The following FOXP1 variants were observed in gnomAD, a reference collection of about 807,000 sequenced individuals.
FOXP1 encodes forkhead box P1, also known as forkhead box protein P1.
Under a neutral mutation model 98.2 loss-of-function variants are expected in FOXP1, and 15 were observed. That is an observed-to-expected ratio of 0.15 (90% CI 0.10 to 0.24). The LOEUF (loss-of-function observed/expected upper bound fraction) is 0.24, where lower values mean the gene tolerates loss of function less well. Among genes scored for constraint, FOXP1 ranks in the 10% least tolerant of loss-of-function variants. The pLI, the probability that FOXP1 is intolerant of heterozygous loss-of-function variation, is 1.00. For synonymous variants in FOXP1, 371 were observed against 314.5 expected, an observed-to-expected ratio of 1.18 and a Z score of -1.90; for missense variants, 633 against 848.5, an observed-to-expected ratio of 0.75 and a Z score of 3.15.
At chr3:71,497,809 A>T (rs1470495545) in intron 2 of FOXP1, among the ~76,000 whole-genome samples, 1 of 152,170 alleles carries the variant, frequency 6.6e-6, no homozygotes, top group African/African-American at 2.4e-5. Context: ...CAGCCCCAGA[A>T]GTACCTTGGC....
intron 6 of FOXP1, among the ~76,000 whole-genome samples, chr3:71,131,830 G>T (rs1005969281): frequency 1.3e-5 from 2 of 152,210 alleles, no homozygotes; most frequent in African/African-American, 2.4e-5. Flanking sequence ...AGGTGGAACT[G>T]ATCAGCCACA....
intron 2 of FOXP1, chr3:71,567,741 A>G (rs1387420266): frequency 2.0e-5 from 3 of 152,036 alleles, no homozygotes; most frequent in Non-Finnish European, 4.4e-5. Context: ...GCACTTCCGG[A>G]AAGAATCTCC....
intron 11 of FOXP1, among the ~76,000 whole-genome samples, chr3:71,033,878 A>G (rs1318053937): frequency 6.6e-6 from 1 of 152,132 alleles, no homozygotes; most frequent in Non-Finnish European, 1.5e-5. Flanking sequence ...ATTCGCCCCC[A>G]GGGTGCTTCT....
intron 4 of FOXP1, among the ~76,000 whole-genome samples, chr3:71,348,552 T>TGTGTGC (rs1553853252): frequency 7.1e-6 from 1 of 141,610 alleles, no homozygotes; most frequent in African/African-American, 2.7e-5. Flanking sequence ...TGTGTGTGCG[T>TGTGTGC]GCGCGCGCGC....
rs958350616 is a variant in FOXP1, at chr3:71,064,887, G to A, written c.283-11114C>T. 17 of 881,772 alleles carry A rather than the reference G, an allele frequency of 1.9e-5. No homozygotes were observed. The East Asian group carries it at 1.6e-3, about 83-fold the overall frequency. The allele number at this position is 881,772 out of a possible 1,614,324, so 54.6% of individuals were successfully genotyped here. A position where few individuals can be genotyped will look rare whatever the true frequency, so the allele number is the denominator to read the frequency against. On this transcript the variant is annotated intron_variant, in intron 7 of 20. Transcript: ENST00000649528. The stretch of plus-strand genomic sequence containing the variant: ...GGCTCGGGGCGCCCGCGCGGGCCGG[G>A]CGTGGGGTCCGGCGGCCTCGGCGTG...
chr3:71,329,455 C>T (rs929994757), intron 4 of FOXP1, among the ~76,000 whole-genome samples: 8 of 85,872 alleles, frequency 9.3e-5, no homozygotes, highest in African/African-American at 1.4e-4. Flanking sequence ...TCTCCTACCT[C>T]GTGATCACCC....
intron 13 of FOXP1, among the ~76,000 whole-genome samples, chr3:70,995,948 G>C (rs1323136985): frequency 6.6e-6 from 1 of 152,096 alleles, no homozygotes; most frequent in Non-Finnish European, 1.5e-5. Context: ...TATTTCTATT[G>C]AAACTGTGGT....
In FOXP1 at chr3:71,536,784, T is replaced by G. The variant is rs1275138739; in HGVS notation, c.-297-43229A>C. On this transcript the variant is annotated intron_variant, in intron 2 of 20. Coordinates refer to ENST00000649528, the MANE Select transcript of FOXP1 (RefSeq NM_001349338.3). The stretch of plus-strand genomic sequence containing the variant: ...CACTGAACACATTCTCAATGTGCCA[T>G]GATGCAAATCCAACATGATGATCGT... Among the ~76,000 whole-genome samples the G allele has an allele frequency of 3.9e-5, 6 of 152,142 alleles. No homozygotes were observed. The South Asian group carries it at 1.0e-3, about 26-fold the overall frequency.
intron 13 of FOXP1, among the ~76,000 whole-genome samples, chr3:70,989,059 T>C (rs2040204673): frequency 1.3e-5 from 2 of 152,218 alleles, no homozygotes. Context: ...GACTCATTAG[T>C]TCTGTCACAT....
intron 3 of FOXP1, among the ~76,000 whole-genome samples, chr3:71,381,153 CT>C (rs375670056): frequency 1.3e-3 from 178 of 139,566 alleles, no homozygotes; most frequent in Middle Eastern, 3.8e-3. Context: ...GAGGTTCTCT[CT>C]TTTTTTTTTT....
At position 71,182,496 on chromosome 3, in the gene FOXP1, A is replaced by ATGTG. The variant is rs1386870282; in HGVS notation, c.180+15705_180+15706insCACA. Among the ~76,000 whole-genome samples the ATGTG allele has an allele frequency of 3.7e-3, 521 of 140,722 alleles. 10 individuals carry two copies. Among genetic ancestry groups the ATGTG allele is most frequent in the African/African-American group, 0.013 (487 of 37,382 alleles). 92.3% of individuals were successfully genotyped at this position (140,722 alleles called of 152,430 possible). A position where few individuals can be genotyped will look rare whatever the true frequency, so the allele number is the denominator to read the frequency against. ...GGGGATATACAGAAAAGTGTAAACT[A>ATGTG]TATATATGTGTGTGTGTGTGTGTGT... On this transcript the variant is annotated intron_variant, in intron 6 of 20. Transcript: ENST00000649528.
Position 71,442,918 on chromosome 3 carries a change from G to T in FOXP1, c.-168+50508C>A, listed in dbSNP as rs564963782. ...TTTTATTTTTTTGAGACATAGTCTCGCTCTGTCACCCAGGCTGGGCTGGAG... is the reference window on the plus strand; with the variant it reads ...TTTTATTTTTTTGAGACATAGTCTCTCTCTGTCACCCAGGCTGGGCTGGAG... On this transcript the variant is annotated intron_variant, in intron 3 of 20. Transcript: ENST00000649528. Among the ~76,000 whole-genome samples the T allele has an allele frequency of 5.9e-5, 9 of 151,866 alleles. No homozygotes were observed. In the East Asian group the frequency reaches 1.7e-3, roughly 29 times the overall value.
rs2031429485 is a variant in FOXP1 at position 70,954,988 on chromosome 3, G to A, written c.*4259C>T. 4.3e-6 allele frequency: 1 copy of A among 232,538 alleles called. No individual in the cohort carries two copies. The allele number at this position is 232,538 out of a possible 1,614,324, so 14.4% of individuals were successfully genotyped here. A position where few individuals can be genotyped will look rare whatever the true frequency, so the allele number is the denominator to read the frequency against. The stretch of plus-strand genomic sequence containing the variant: ...TTCATCAAGGCTTATGGGTAGCAGA[G>A]ATTGCGTGAGCTACACTGGGCCCAA... On this transcript the variant is annotated 3_prime_UTR_variant, in exon 21 of 21. Transcript: ENST00000649528.
intron 3 of FOXP1, among the ~76,000 whole-genome samples, chr3:71,466,313 T>C (rs1002870571): frequency 6.6e-6 from 1 of 152,154 alleles, no homozygotes; most frequent in African/African-American, 2.4e-5. Context: ...CTAACTTTTC[T>C]CCAGAAAACA....
At chr3:71,226,406 G>A (rs1247911667) in intron 5 of FOXP1, among the ~76,000 whole-genome samples, 6 of 152,128 alleles carry the variant, frequency 3.9e-5, no homozygotes, top group African/African-American at 1.4e-4. Context: ...ACTTGCCTCA[G>A]GCCCAGATGT....
At chr3:71,130,645 C>A (rs746932231) in intron 6 of FOXP1, 15 of 1,597,246 alleles carry the variant, frequency 9.4e-6, no homozygotes, top group Middle Eastern at 1.6e-4. Context: ...AAGTACTGTG[C>A]GGCTGAAGCA....
chr3:71,529,640 T>C (rs763553670), intron 2 of FOXP1, among the ~76,000 whole-genome samples: 1 of 152,128 alleles, frequency 6.6e-6, no homozygotes, highest in Non-Finnish European at 1.5e-5. Flanking sequence ...AGCCAATGAT[T>C]TCATCAATCA....
In FOXP1 at chr3:71,536,744, T is replaced by C. The variant is rs561711900; in HGVS notation, c.-297-43189A>G. On this transcript the variant is annotated intron_variant, in intron 2 of 20. Coordinates refer to ENST00000649528, the MANE Select transcript of FOXP1 (RefSeq NM_001349338.3). ...AAAGGACTCTGTGGGAAAGGTTCCA[T>C]AGTATCCACAGTCCCACTGAACACA... Among the ~76,000 whole-genome samples the C allele has an allele frequency of 9.2e-5, 14 of 152,250 alleles. No individual in the cohort carries two copies. In the South Asian group the frequency reaches 2.5e-3, roughly 27 times the overall value.
chr3:71,494,530 C>T (rs932900637), intron 2 of FOXP1, among the ~76,000 whole-genome samples: 2 of 152,150 alleles, frequency 1.3e-5, no homozygotes, highest in African/African-American at 4.8e-5. Context: ...GCCAGCATCC[C>T]GGCGGCTGGC....
Sources: gnomAD v4.1 joint callset for allele counts (sites outside exome capture counted in the v4.1 genomes callset) on GRCh38, gnomAD v4.1.1 for gene constraint, MANE v1.5 for transcripts, NCBI Gene and HGNC (gene_info 2026-07-23, HGNC 2026-07-21) for gene names.